Variants in CALCR observed in about 807,000 individuals in gnomAD.
The protein encoded by CALCR is calcitonin receptor.
Under a neutral mutation model 59.5 loss-of-function variants are expected in CALCR, and 47 were observed. That is an observed-to-expected ratio of 0.79 (90% confidence interval 0.63 to 1.01). The LOEUF (loss-of-function observed/expected upper bound fraction) is 1.01, where lower values mean the gene tolerates loss of function less well. Among genes scored for constraint, CALCR ranks in the 50% least tolerant of loss-of-function variants. The pLI, the probability that CALCR is intolerant of heterozygous loss-of-function variation, is 0.00. For missense variants in CALCR, 566 were observed against 597.1 expected (o/e 0.95, Z 0.54); for synonymous variants, 213 against 211.3 (o/e 1.01, Z -0.07).
intron 2 of CALCR, among the ~76,000 whole-genome samples, chr7:93,540,712 A>T (rs1789110685): frequency 1.7e-5 from 1 of 60,386 alleles, no homozygotes; most frequent in African/African-American, 3.9e-5. Flanking sequence ...ATTATATTTT[A>T]TATATATTAT....
intron 9 of CALCR, among the ~76,000 whole-genome samples, chr7:93,442,363 C>T (rs1316252023): frequency 2.0e-5 from 3 of 152,270 alleles, no homozygotes; most frequent in Non-Finnish European, 2.9e-5. Flanking sequence ...CCACCATTAT[C>T]GGATTATCCC....
intron 2 of CALCR, among the ~76,000 whole-genome samples, chr7:93,554,772 T>TAC (rs1491029672): frequency 1.9e-5 from 1 of 53,912 alleles, no homozygotes; most frequent in Non-Finnish European, 5.2e-5. Context: ...AGGCCATGTA[T>TAC]ATATATATAT....
intron 9 of CALCR, among the ~76,000 whole-genome samples, chr7:93,442,618 C>T (rs1472596061): frequency 6.6e-6 from 1 of 152,174 alleles, no homozygotes; most frequent in Admixed American, 6.5e-5. Context: ...TCCCTCCTCA[C>T]TACACCTCTC....
At chr7:93,462,335 C>T (rs1221599371) in intron 7 of CALCR, among the ~76,000 whole-genome samples, 1 of 152,086 alleles carries the variant, frequency 6.6e-6, no homozygotes, top group Admixed American at 6.6e-5. Context: ...TACACACACG[C>T]TTCTGTGGAC....
At chr7:93,484,107 T>C (rs533407318) in intron 3 of CALCR, 11 of 387,284 alleles carry the variant, frequency 2.8e-5, no homozygotes, top group South Asian at 1.9e-4. Context: ...GGCACTCTTC[T>C]AGGTTCTGGA....
At chr7:93,438,862 C>T (rs1478596680) in intron 9 of CALCR, among the ~76,000 whole-genome samples, 1 of 151,670 alleles carries the variant, frequency 6.6e-6, no homozygotes, top group East Asian at 1.9e-4. Context: ...TTTATGAAGG[C>T]AGCTTACTGT....
intron 4 of CALCR, among the ~76,000 whole-genome samples, chr7:93,477,943 G>A (rs1461538700): frequency 1.4e-5 from 1 of 73,402 alleles, no homozygotes; most frequent in Non-Finnish European, 2.5e-5. Flanking sequence ...ATGCCCCAAA[G>A]ACTGCAAGAC....
At chr7:93,451,900 T>C (rs1800117122) in intron 8 of CALCR, among the ~76,000 whole-genome samples, 1 of 152,002 alleles carries the variant, frequency 6.6e-6, no homozygotes, top group South Asian at 2.1e-4. Context: ...GCCATTATCT[T>C]AAATTTATGA....
chr7:93,478,514 C>A (rs1800719649), intron 4 of CALCR, among the ~76,000 whole-genome samples: 1 of 151,676 alleles, frequency 6.6e-6, no homozygotes, highest in Admixed American at 6.6e-5. Flanking sequence ...CATGGCAAAA[C>A]CCCATCTCTA....
chr7:93,567,530 A>C (rs1360101162), intron 2 of CALCR, among the ~76,000 whole-genome samples: 2 of 150,442 alleles, frequency 1.3e-5, no homozygotes, highest in Admixed American at 1.3e-4. Context: ...AAATTTATCT[A>C]TGCAAATTTT....
At chr7:93,460,298 G>T (rs1207476192) in intron 8 of CALCR, among the ~76,000 whole-genome samples, 2 of 151,952 alleles carry the variant, frequency 1.3e-5, no homozygotes, top group Non-Finnish European at 2.9e-5. Flanking sequence ...GCTCACACCT[G>T]TAATCCCAGC....
chr7:93,512,412 C>T (rs1313164927), intron 2 of CALCR, among the ~76,000 whole-genome samples: 1 of 152,116 alleles, frequency 6.6e-6, no homozygotes, highest in Non-Finnish European at 1.5e-5. Flanking sequence ...CTGTACAGCT[C>T]ATGTTTTAAT....
At chr7:93,434,317 A>G in intron 12 of CALCR, 23 bp from the exon 13 acceptor site, 2 of 1,578,828 alleles carry the variant, frequency 1.3e-6, no homozygotes, top group Non-Finnish European at 1.7e-6. Context: ...GGAAAAATAC[A>G]GTTGAAGTTA....
intron 5 of CALCR, among the ~76,000 whole-genome samples, chr7:93,474,259 A>C (rs939199011): frequency 1.7e-4 from 26 of 151,742 alleles, no homozygotes; most frequent in Non-Finnish European, 2.5e-4. Context: ...TTATCAAGAC[A>C]CTATTATCAG....
chr7:93,450,343 T>A (rs1584544942), intron 8 of CALCR, among the ~76,000 whole-genome samples: 6 of 151,982 alleles, frequency 3.9e-5, no homozygotes, highest in Admixed American at 2.6e-4. Context: ...GGTATGGCTG[T>A]TAGATCATCT....
At chr7:93,440,037 T>C (rs1799866697) in intron 9 of CALCR, among the ~76,000 whole-genome samples, 1 of 152,152 alleles carries the variant, frequency 6.6e-6, no homozygotes, top group South Asian at 2.1e-4. Flanking sequence ...CAATATCTCT[T>C]ATCATTCTTT....
At chr7:93,477,242 T>C (rs971199466) in intron 5 of CALCR, among the ~76,000 whole-genome samples, 2 of 151,820 alleles carry the variant, frequency 1.3e-5, no homozygotes, top group African/African-American at 2.4e-5. Flanking sequence ...TTTCTACCCC[T>C]TTTTCAGTGA....
chr7:93,438,164 AT>A (rs1194375739), intron 10 of CALCR, 38 bp from the exon 11 acceptor site: 1 of 1,609,892 alleles, frequency 6.2e-7, no homozygotes, highest in East Asian at 2.2e-5. Context: ...ACACAAATAC[AT>A]TTTGTTTATG....
intron 9 of CALCR, among the ~76,000 whole-genome samples, chr7:93,443,336 A>C (rs1267973114): frequency 6.6e-6 from 1 of 152,108 alleles, no homozygotes; most frequent in African/African-American, 2.4e-5. Flanking sequence ...TGTGTCCATC[A>C]TTAGCTAGGT....
Sources: gnomAD v4.1 joint callset for allele counts (sites outside exome capture counted in the v4.1 genomes callset) on GRCh38, gnomAD v4.1.1 for gene constraint, MANE v1.5 for transcripts, NCBI Gene and HGNC (gene_info 2026-07-23, HGNC 2026-07-21) for gene names.